NEK5: variants seen among roughly 807,000 people sequenced by gnomAD.
NEK5 encodes the protein serine/threonine-protein kinase Nek5.
NEK5 carries 88 observed loss-of-function variants against 109.2 expected under a neutral mutation model. The ratio of observed to expected loss-of-function variants is 0.81; its 90% CI spans 0.68 to 0.96. The LOEUF is 0.96. Ranked by LOEUF, NEK5 falls within the 40% of genes least tolerant of loss-of-function variation. The probability of loss-of-function intolerance (pLI) is 0.00; values close to 1 mark genes in which losing one functional copy is unlikely to be tolerated. For missense variants in NEK5, 834 were observed against 920.7 expected (o/e 0.91, Z 1.22); for synonymous variants, 283 against 299.9 (o/e 0.94, Z 0.58).
intron 21 of NEK5, among the ~76,000 whole-genome samples, chr13:52,064,497 T>TG (rs1158823915): frequency 2.2e-4 from 29 of 131,116 alleles, no homozygotes; most frequent in African/African-American, 2.9e-4. Flanking sequence ...GGGAGGGAGG[T>TG]GGGGGGGTCA....
At chr13:52,098,576 AC>A (rs1163211339) in intron 12 of NEK5, among the ~76,000 whole-genome samples, 1 of 152,190 alleles carries the variant, frequency 6.6e-6, no homozygotes, top group East Asian at 1.9e-4. Context: ...ATAATTAAAC[AC>A]AAAGAATCAC....
chr13:52,126,963 T>C (rs951501215), intron 3 of NEK5, among the ~76,000 whole-genome samples: 3 of 152,078 alleles, frequency 2.0e-5, no homozygotes, highest in Admixed American at 6.5e-5. Context: ...CAGAGGAGGC[T>C]GGCATCTCAC....
At chr13:52,082,200 A>C in intron 17 of NEK5, 1 of 275,906 alleles carries the variant, frequency 3.6e-6, no homozygotes, top group South Asian at 3.4e-5. Flanking sequence ...CTATAATTCC[A>C]GCTACTCAGG....
At chr13:52,057,616 C>A (rs1467759831) in intron 22 of NEK5, among the ~76,000 whole-genome samples, 5 of 152,196 alleles carry the variant, frequency 3.3e-5, no homozygotes, top group Non-Finnish European at 5.9e-5. Flanking sequence ...AAGTGGGCTT[C>A]AACCCTGGGA....
intron 23 of NEK5, among the ~76,000 whole-genome samples, chr13:52,038,825 GAAA>G (rs1183060212): frequency 4.2e-5 from 4 of 94,566 alleles, no homozygotes; most frequent in Non-Finnish European, 8.0e-5. Context: ...ACACTCATCT[GAAA>G]AAAAAAAAAA....
chr13:52,061,471 A>G (rs1954614192), intron 22 of NEK5, among the ~76,000 whole-genome samples: 2 of 152,242 alleles, frequency 1.3e-5, no homozygotes, highest in South Asian at 2.1e-4. Flanking sequence ...TTTATTGTCC[A>G]TGGGATAGTA....
At chr13:52,111,488 AT>A (rs1351866975) in intron 5 of NEK5, among the ~76,000 whole-genome samples, 2 of 152,326 alleles carry the variant, frequency 1.3e-5, no homozygotes, top group East Asian at 3.9e-4. Context: ...AGAGATATTG[AT>A]TTTTTAATCC....
Position 52,036,862 on chromosome 13 carries a change from A to T in NEK5, c.*86T>A. 1 of 583,758 alleles carries T rather than the reference A, an allele frequency of 1.7e-6. No individual in the cohort carries two copies. Among genetic ancestry groups the T allele is most frequent in the Non-Finnish European group, 2.2e-6 (1 of 463,012 alleles). The allele number at this position is 583,758 out of a possible 1,614,324, so 36.2% of individuals were successfully genotyped here. ...TCCTTGAGATTACTAGAAAACCCTT[A>T]CAGTAAATGAGCATTTATGACTTGT... On this transcript the variant is annotated 3_prime_UTR_variant, in exon 24 of 24. Coordinates refer to ENST00000684899, the MANE Select transcript of NEK5 (RefSeq NM_001365552.1).
At chr13:52,104,637 G>T in intron 8 of NEK5, 85 bp from the exon 9 acceptor site, 1 of 894,724 alleles carries the variant, frequency 1.1e-6, no homozygotes, top group Non-Finnish European at 1.8e-6. Flanking sequence ...TTAAATTTGT[G>T]TCGCTTTACA....
Position 52,095,946 on chromosome 13 carries a change from C to T in NEK5, c.1027-2711G>A, listed in dbSNP as rs1371818383. On this transcript the variant is annotated intron_variant, in intron 12 of 23. Transcript: ENST00000684899. ...GGGAGACGAGGCCTGGTAAATGGATCGTTGGGGCAGATTCCCCCCTTGCTG... is the reference window on the plus strand; with the variant it reads ...GGGAGACGAGGCCTGGTAAATGGATTGTTGGGGCAGATTCCCCCCTTGCTG... 3.3e-5 allele frequency among the ~76,000 whole-genome samples: 5 copies of T among 152,246 alleles called. No individual in the cohort carries two copies. The East Asian group carries it at 9.6e-4, about 29-fold the overall frequency.
intron 14 of NEK5, among the ~76,000 whole-genome samples, chr13:52,087,966 C>T (rs1162549035): frequency 1.2e-4 from 17 of 143,776 alleles, no homozygotes; most frequent in African/African-American, 4.1e-4. Context: ...CTCACTCTGT[C>T]ACCCAGGCTG....
Position 52,129,018 on chromosome 13 carries a change from T to A in NEK5, c.-91+11A>T, listed in dbSNP as rs2138177061. 1 of 152,358 alleles carries A rather than the reference T, an allele frequency of 6.6e-6. No individual in the cohort carries two copies. Among genetic ancestry groups the A allele is most frequent in the Non-Finnish European group, 1.5e-5 (1 of 68,086 alleles). 9.4% of individuals were successfully genotyped at this position (152,358 alleles called of 1,614,324 possible). A position where few individuals can be genotyped will look rare whatever the true frequency, so the allele number is the denominator to read the frequency against. ...CCGGGCAAGAACTAAGGGCGGCCCC[T>A]GCAAGCGTACCTGCTCCGCCGGCTC... On this transcript the variant is annotated intron_variant, in intron 1 of 23. Coordinates refer to ENST00000684899, the MANE Select transcript of NEK5 (RefSeq NM_001365552.1).
chr13:52,118,118 T>C (rs1955897251), intron 4 of NEK5, among the ~76,000 whole-genome samples: 1 of 152,172 alleles, frequency 6.6e-6, no homozygotes. Flanking sequence ...ATGTAGCGGT[T>C]TTAATCAGTA....
At chr13:52,059,998 G>GT (rs1954597736) in intron 22 of NEK5, among the ~76,000 whole-genome samples, 1 of 151,006 alleles carries the variant, frequency 6.6e-6, no homozygotes. Context: ...TAATAATTAG[G>GT]TTTTCTAATG....
intron 23 of NEK5, among the ~76,000 whole-genome samples, chr13:52,047,359 A>C (rs1015074501): frequency 2.0e-5 from 3 of 152,242 alleles, no homozygotes; most frequent in South Asian, 2.1e-4. Context: ...ACACATTTAC[A>C]CAAGAAATAT....
intron 23 of NEK5, among the ~76,000 whole-genome samples, chr13:52,047,035 C>G (rs1222772694): frequency 6.6e-6 from 1 of 151,978 alleles, no homozygotes; most frequent in African/African-American, 2.4e-5. Context: ...CCAATTAAAA[C>G]TATCATGAAC....
At chr13:52,123,209 A>T (rs1370033012) in intron 3 of NEK5, among the ~76,000 whole-genome samples, 1 of 152,196 alleles carries the variant, frequency 6.6e-6, no homozygotes, top group East Asian at 1.9e-4. Flanking sequence ...GAAGTAATAA[A>T]TGTTAATATT....
Position 52,063,936 on chromosome 13 carries a change from C to T in NEK5, c.1975+1548G>A, listed in dbSNP as rs538801096. 1.5e-4 allele frequency among the ~76,000 whole-genome samples: 22 copies of T among 149,350 alleles called. No individual in the cohort carries two copies. The East Asian group carries it at 1.9e-3, about 13-fold the overall frequency. On this transcript the variant is annotated intron_variant, in intron 21 of 23. Coordinates refer to ENST00000684899, the MANE Select transcript of NEK5 (RefSeq NM_001365552.1). ...CCCCTGCCAGGCCAGCCGCCCCGTC[C>T]GGGAGGGAGGTGGGGGGGTCAGCCC...
At position 52,065,539 on chromosome 13, in the gene NEK5, C is replaced by T. The variant is rs1954674340; in HGVS notation, c.1920G>A (p.Leu640=). 4.3e-6 allele frequency: 7 copies of T among 1,614,032 alleles called. No homozygotes were observed. The highest frequency in any genetic ancestry group is 5.9e-6 in the Non-Finnish European group (7 of 1,179,886). Residue 640 remains leucine (L), a synonymous_variant, in exon 21 of 24, where the codon CTG becomes CTA. Coordinates refer to ENST00000684899, the MANE Select transcript of NEK5 (RefSeq NM_001365552.1). ...RQWDGGAPQT[L]LQMMAVADIT... ...TGTCGGCCACTGCCATCATCTGCAG[C>T]AGAGTCTGAGGCGCTCCTCCATCCC...
Sources: gnomAD v4.1 joint callset for allele counts (sites outside exome capture counted in the v4.1 genomes callset) on GRCh38, gnomAD v4.1.1 for gene constraint, MANE v1.5 for transcripts, NCBI Gene and HGNC (gene_info 2026-07-23, HGNC 2026-07-21) for gene names.